Variants in KHDRBS3 observed in about 807,000 individuals in gnomAD.
KHDRBS3 encodes KH RNA binding domain containing, signal transduction associated 3, also known as KH domain-containing, RNA-binding, signal transduction-associated protein 3.
Under a neutral mutation model 45.6 loss-of-function variants are expected in KHDRBS3, and 23 were observed. The observed-to-expected ratio is 0.50, with a 90% CI of 0.36 to 0.72. The LOEUF is 0.72. Ranked by LOEUF, KHDRBS3 falls within the 30% of genes least tolerant of loss-of-function variation. The pLI, the probability that KHDRBS3 is intolerant of heterozygous loss-of-function variation, is 0.00. For synonymous variants in KHDRBS3, 162 were observed against 156.5 expected (o/e 1.04, Z -0.26); for missense variants, 352 against 424.8 (o/e 0.83, Z 1.51).
chr8:135,546,829 T>G (rs1826328180), intron 3 of KHDRBS3, among the ~76,000 whole-genome samples: 1 of 152,160 alleles, frequency 6.6e-6, no homozygotes, highest in African/African-American at 2.4e-5. Flanking sequence ...AATAACACAT[T>G]GCCTGTCATC....
At chr8:135,577,203 A>C (rs1433424809) in intron 5 of KHDRBS3, among the ~76,000 whole-genome samples, 2 of 151,904 alleles carry the variant, frequency 1.3e-5, no homozygotes, top group Non-Finnish European at 2.9e-5. Flanking sequence ...GCTTTAACCT[A>C]GTTAAAATGT....
At chr8:135,614,844 C>A (rs1158149561) in intron 7 of KHDRBS3, among the ~76,000 whole-genome samples, 2 of 151,792 alleles carry the variant, frequency 1.3e-5, no homozygotes, top group Non-Finnish European at 2.9e-5. Flanking sequence ...GCAGTAGATA[C>A]GTGGACCACT....
At position 135,647,123 on chromosome 8, in the gene KHDRBS3, A is replaced by C. The variant is rs1218049990; in HGVS notation, c.*39A>C. ...TGTTGTGAAATAGCCAATCTCCACC[A>C]GTCCTGTATACTGTTCAAAGTAATT... On this transcript the variant is annotated 3_prime_UTR_variant, in exon 9 of 9. Transcript: ENST00000355849. 1.9e-6 allele frequency: 2 copies of C among 1,049,786 alleles called. No homozygotes were observed. The highest frequency in any genetic ancestry group is 3.4e-5 in the Admixed American group (2 of 58,260). 65.0% of individuals were successfully genotyped at this position (1,049,786 alleles called of 1,614,324 possible). A position where few individuals can be genotyped will look rare whatever the true frequency, so the allele number is the denominator to read the frequency against.
chr8:135,505,469 TAC>T (rs1323477059), intron 1 of KHDRBS3, among the ~76,000 whole-genome samples: 4 of 152,138 alleles, frequency 2.6e-5, no homozygotes, highest in Non-Finnish European at 5.9e-5. Flanking sequence ...GATTCCCAGG[TAC>T]TTTCCACTAT....
chr8:135,639,732 A>G (rs982430613), intron 7 of KHDRBS3, among the ~76,000 whole-genome samples: 4 of 152,188 alleles, frequency 2.6e-5, no homozygotes, highest in Non-Finnish European at 5.9e-5. Flanking sequence ...AGGCCAAGTG[A>G]GAGTGGGAGC....
intron 1 of KHDRBS3, among the ~76,000 whole-genome samples, chr8:135,490,210 T>G (rs1284292059): frequency 6.6e-6 from 1 of 152,138 alleles, no homozygotes; most frequent in African/African-American, 2.4e-5. Flanking sequence ...TCAGGACAGA[T>G]CCCCATCATG....
chr8:135,654,146 T>G (rs1831483947), intron 4 of KHDRBS3, among the ~76,000 whole-genome samples: 1 of 152,214 alleles, frequency 6.6e-6, no homozygotes, highest in Non-Finnish European at 1.5e-5. Context: ...TTGAAGTATG[T>G]CTTAGAGCTC....
chr8:135,645,058 G>C lies in KHDRBS3; in HGVS notation c.891-1G>C. On this transcript the variant is annotated splice_acceptor_variant, in intron 7 of 8. Transcript: ENST00000355849. LOFTEE classifies it high-confidence loss of function. ...CTTTGTTTTGTTTTGATCACTTGCA[G>C]TGGTGCTGATTACTATGATTACGGA... The C allele has an allele frequency of 6.2e-7, 1 of 1,613,094 alleles. No homozygotes were observed. The highest frequency in any genetic ancestry group is 8.5e-7 in the Non-Finnish European group (1 of 1,179,858).
intron 5 of KHDRBS3, among the ~76,000 whole-genome samples, chr8:135,576,437 G>A (rs989405348): frequency 2.0e-5 from 3 of 152,116 alleles, no homozygotes; most frequent in Admixed American, 1.3e-4. Context: ...GTGGACTCAT[G>A]GATATTAATT....
intron 1 of KHDRBS3, among the ~76,000 whole-genome samples, chr8:135,507,117 G>A (rs898038435): frequency 1.6e-4 from 24 of 152,178 alleles, no homozygotes; most frequent in African/African-American, 4.6e-4. Context: ...GCTGGCAACC[G>A]TAGTTCCTAT....
chr8:135,568,797 T>C (rs72732367), intron 5 of KHDRBS3, among the ~76,000 whole-genome samples: 5 of 152,342 alleles, frequency 3.3e-5, no homozygotes, highest in Non-Finnish European at 7.3e-5. Flanking sequence ...TTTGTAGGAA[T>C]TCTCTTTTCC....
At chr8:135,549,033 A>G in intron 4 of KHDRBS3, 133 bp downstream of exon 4, 1 of 492,664 alleles carries the variant, frequency 2.0e-6, no homozygotes, top group Non-Finnish European at 3.4e-6. Flanking sequence ...CACCTCAAGT[A>G]GACCTTACAT....
intron 4 of KHDRBS3, among the ~76,000 whole-genome samples, chr8:135,552,174 T>A (rs560724957): frequency 6.6e-6 from 1 of 152,308 alleles, no homozygotes; most frequent in Admixed American, 6.5e-5. Flanking sequence ...ATGTTTTTCA[T>A]TAAATGTGGA....
At chr8:135,541,056 A>G (rs1056481843) in intron 2 of KHDRBS3, 36 of 152,216 alleles carry the variant, frequency 2.4e-4, no homozygotes, top group African/African-American at 8.7e-4. Flanking sequence ...ACAAAACACC[A>G]TAAAGAAGAA....
intron 6 of KHDRBS3, among the ~76,000 whole-genome samples, chr8:135,593,141 CT>C (rs1397455518): frequency 3.3e-5 from 5 of 152,140 alleles, no homozygotes; most frequent in Non-Finnish European, 7.4e-5. Flanking sequence ...AAATTTATGT[CT>C]TGCTTTGATG....
chr8:135,609,095 AT>A (rs889189998), intron 7 of KHDRBS3, among the ~76,000 whole-genome samples: 7 of 152,156 alleles, frequency 4.6e-5, no homozygotes, highest in African/African-American at 1.7e-4. Flanking sequence ...GCTACACTCA[AT>A]TTATTAAAAA....
At chr8:135,469,499 G>A (rs1821873329) in intron 1 of KHDRBS3, among the ~76,000 whole-genome samples, 1 of 135,976 alleles carries the variant, frequency 7.4e-6, no homozygotes, top group Non-Finnish European at 1.5e-5. Flanking sequence ...ATGTTAGCCA[G>A]GATGGTGTTT....
At chr8:135,559,209 A>G (rs573103967) in intron 5 of KHDRBS3, among the ~76,000 whole-genome samples, 3 of 152,258 alleles carry the variant, frequency 2.0e-5, no homozygotes, top group South Asian at 2.1e-4. Context: ...CTTGTCTAGA[A>G]ATTTCTTTTT....
intron 6 of KHDRBS3, among the ~76,000 whole-genome samples, chr8:135,594,518 T>G (rs1206549047): frequency 6.6e-6 from 1 of 152,236 alleles, no homozygotes; most frequent in East Asian, 1.9e-4. Flanking sequence ...TGTTAAGTTA[T>G]AAAGATGAGG....
Sources: gnomAD v4.1 joint callset for allele counts (sites outside exome capture counted in the v4.1 genomes callset) on GRCh38, gnomAD v4.1.1 for gene constraint, MANE v1.5 for transcripts, NCBI Gene and HGNC (gene_info 2026-07-23, HGNC 2026-07-21) for gene names.